The following ZNF730 variants were observed in gnomAD, a reference collection of about 807,000 sequenced individuals.
ZNF730 encodes the protein zinc finger protein 730, also known as putative zinc finger protein 730.
A neutral mutation model predicts 12.6 loss-of-function variants in ZNF730; 12 were observed. The observed-to-expected ratio is 0.95, with a 90% CI of 0.61 to 1.54. The LOEUF is 1.54. Ranked by LOEUF, ZNF730 falls within the 40% of genes most tolerant of loss-of-function variation. ZNF730 has a pLI of 0.00. For synonymous variants in ZNF730, 194 were observed against 195.8 expected (o/e 0.99, Z 0.08); for missense variants, 643 against 583.5 (o/e 1.10, Z -1.05).
chr19:23,134,375 G>C (rs528594864), intron 2 of ZNF730, among the ~76,000 whole-genome samples, 169 bp downstream of exon 2: 1 of 138,880 alleles, frequency 7.2e-6, no homozygotes, highest in East Asian at 2.2e-4. Flanking sequence ...CGCCCCGTCC[G>C]GGAGGGAGGT....
At chr19:23,089,904 G>A (rs1353277347) in intron 1 of ZNF730, among the ~76,000 whole-genome samples, 1 of 152,142 alleles carries the variant, frequency 6.6e-6, no homozygotes. Context: ...TCCTAAAAAT[G>A]TATTGAATGG....
intron 1 of ZNF730, among the ~76,000 whole-genome samples, chr19:23,109,932 G>A (rs1375156039): frequency 1.3e-5 from 2 of 152,040 alleles, no homozygotes; most frequent in East Asian, 1.9e-4. Context: ...ATTGTAGGCT[G>A]AAGACATAAT....
At chr19:23,085,843 T>A in intron 1 of ZNF730, among the ~76,000 whole-genome samples, 1 of 85,782 alleles carries the variant, frequency 1.2e-5, no homozygotes, top group African/African-American at 6.0e-5. Context: ...TTTCTTTTTT[T>A]TTTTTTTTTT....
chr19:23,112,887 G>C (rs375617422), upstream of ZNF730, among the ~76,000 whole-genome samples: 37 of 152,350 alleles, frequency 2.4e-4, no homozygotes, highest in African/African-American at 7.2e-4. Flanking sequence ...AGCATTGCCA[G>C]GGTGCCATTA....
At chr19:23,093,967 C>A (rs1970201142) in intron 1 of ZNF730, among the ~76,000 whole-genome samples, 1 of 152,148 alleles carries the variant, frequency 6.6e-6, no homozygotes. Flanking sequence ...TAGGACTTGG[C>A]CACCAGCTTG....
At chr19:23,121,222 C>T (rs1367984497) in intron 1 of ZNF730, among the ~76,000 whole-genome samples, 2 of 152,114 alleles carry the variant, frequency 1.3e-5, no homozygotes, top group Non-Finnish European at 2.9e-5. Flanking sequence ...ACTATTTGGT[C>T]AAGCATTTAG....
intron 1 of ZNF730, 133 bp downstream of exon 1, chr19:23,117,309 G>A: frequency 6.5e-7 from 1 of 1,536,608 alleles, no homozygotes; most frequent in Non-Finnish European, 8.9e-7. Context: ...GCCCAGCTCG[G>A]CCTCAGTCCC....
chr19:23,110,809 C>T (rs1421865584), intron 1 of ZNF730, among the ~76,000 whole-genome samples: 1 of 152,148 alleles, frequency 6.6e-6, no homozygotes, highest in Non-Finnish European at 1.5e-5. Context: ...AAACTGCTAA[C>T]CCAAGCAAAA....
intron 1 of ZNF730, among the ~76,000 whole-genome samples, chr19:23,104,139 C>T (rs1233207508): frequency 6.6e-6 from 1 of 151,946 alleles, no homozygotes; most frequent in Non-Finnish European, 1.5e-5. Context: ...AACCCAGACT[C>T]TACTAAAAAT....
chr19:23,141,606 A>C (rs950829172), intron 3 of ZNF730, among the ~76,000 whole-genome samples: 1 of 152,212 alleles, frequency 6.6e-6, no homozygotes, highest in Admixed American at 6.5e-5. Flanking sequence ...CAACCTTTCT[A>C]CAAGAGCACA....
chr19:23,098,119 G>A (rs1181244847), intron 1 of ZNF730, among the ~76,000 whole-genome samples: 3 of 151,798 alleles, frequency 2.0e-5, no homozygotes, highest in African/African-American at 7.3e-5. Flanking sequence ...ACTTCAGCCT[G>A]GGTGACAGAG....
chr19:23,134,334 G>A, intron 2 of ZNF730, 128 bp downstream of exon 2: 2 of 824,236 alleles, frequency 2.4e-6, no homozygotes, highest in Middle Eastern at 3.4e-4. Context: ...AAGTCCTCAG[G>A]ATTTGTCCCC....
chr19:23,114,306 T>TTC (rs1970490676), upstream of ZNF730, among the ~76,000 whole-genome samples: 2 of 52,146 alleles, frequency 3.8e-5, no homozygotes, highest in Non-Finnish European at 9.2e-5. Context: ...TTTTCTTTTC[T>TTC]TTTTTTTTTT....
intron 2 of ZNF730, among the ~76,000 whole-genome samples, 191 bp downstream of exon 2, chr19:23,134,397 C>A (rs1179992917): frequency 6.8e-6 from 1 of 148,138 alleles, no homozygotes; most frequent in East Asian, 2.0e-4. Context: ...GGGGGGTCAG[C>A]CCCCCGCCCG....
chr19:23,117,854 T>C (rs1970551425), intron 1 of ZNF730, among the ~76,000 whole-genome samples: 1 of 152,158 alleles, frequency 6.6e-6, no homozygotes, highest in Admixed American at 6.5e-5. Context: ...CTTAATGTAG[T>C]AATTTACAAA....
chr19:23,130,549 T>C (rs1223479273), intron 1 of ZNF730, among the ~76,000 whole-genome samples: 1 of 152,224 alleles, frequency 6.6e-6, no homozygotes, highest in Non-Finnish European at 1.5e-5. Flanking sequence ...TGTTGTGACT[T>C]TTGGTGTTTT....
At chr19:23,090,134 C>T (rs1693297) in intron 1 of ZNF730, among the ~76,000 whole-genome samples, 63,225 of 151,848 alleles carry the variant, frequency 0.42, 14,628 homozygotes, top group African/African-American at 0.63. Context: ...TAGTCCCAGC[C>T]ACTTGGGAGG....
chr19:23,134,055 ATG>A (rs1305205145), intron 1 of ZNF730, 23 bp from the exon 2 acceptor site: 1 of 1,611,036 alleles, frequency 6.2e-7, no homozygotes. Context: ...CTTGGTAAAT[ATG>A]TGTGTTTGTT....
rs1490982733 is a variant in ZNF730, at chr19:23,127,520, G to A, written c.4-6560G>A. ...AAAATCAGCTCTTGGTGGTGCTGGTGGAATGATGTAACCTGCATAGTCTTC... is the reference window on the plus strand; with the variant it reads ...AAAATCAGCTCTTGGTGGTGCTGGTAGAATGATGTAACCTGCATAGTCTTC... On this transcript the variant is annotated intron_variant, in intron 1 of 3. Transcript: ENST00000597761. The A allele has an allele frequency of 4.3e-6, 4 of 928,518 alleles. No homozygotes were observed. In the African/African-American group the frequency reaches 4.9e-5, roughly 11 times the overall value. 57.5% of individuals were successfully genotyped at this position (928,518 alleles called of 1,614,324 possible). A position where few individuals can be genotyped will look rare whatever the true frequency, so the allele number is the denominator to read the frequency against.
Sources: gnomAD v4.1 joint callset for allele counts (sites outside exome capture counted in the v4.1 genomes callset) on GRCh38, gnomAD v4.1.1 for gene constraint, MANE v1.5 for transcripts, NCBI Gene and HGNC (gene_info 2026-07-23, HGNC 2026-07-21) for gene names.